The following FHAD1 variants were observed in gnomAD, a reference collection of about 807,000 sequenced individuals.
FHAD1 encodes forkhead associated phosphopeptide binding domain 1.
FHAD1 carries 146 observed loss-of-function variants against 191.3 expected under a neutral mutation model. That is an observed-to-expected ratio of 0.76 (90% confidence interval 0.67 to 0.88). The LOEUF is 0.88. Ranked by LOEUF, FHAD1 falls within the 40% of genes least tolerant of loss-of-function variation. The pLI is 0.00. For synonymous variants in FHAD1, 616 were observed against 672.3 expected (o/e 0.92, Z 1.29); for missense variants, 1,635 against 1,785.8 (o/e 0.92, Z 1.52).
chr1:15,335,238 G>A (rs543846788), intron 14 of FHAD1: 7 of 152,298 alleles, frequency 4.6e-5, no homozygotes, highest in Admixed American at 2.6e-4. Context: ...ATGTTTAGGC[G>A]GCACCTTGAA....
intron 33 of FHAD1, among the ~76,000 whole-genome samples, chr1:15,394,456 T>C (rs1022797159): frequency 2.6e-5 from 4 of 152,178 alleles, no homozygotes; most frequent in African/African-American, 9.7e-5. Flanking sequence ...GTTTTCTTTT[T>C]CCCTGCGCAT....
intron 7 of FHAD1, among the ~76,000 whole-genome samples, chr1:15,309,542 G>A (rs1671595194): frequency 6.6e-6 from 1 of 152,218 alleles, no homozygotes; most frequent in Non-Finnish European, 1.5e-5. Context: ...GGGGTGAAGT[G>A]AAGGAGAATA....
intron 33 of FHAD1, among the ~76,000 whole-genome samples, chr1:15,396,090 A>C (rs1705865489): frequency 6.6e-6 from 1 of 152,216 alleles, no homozygotes; most frequent in Non-Finnish European, 1.5e-5. Flanking sequence ...AGAGCAGATC[A>C]CTTGAGCCCA....
At chr1:15,386,793 C>T (rs375520441) in intron 31 of FHAD1, among the ~76,000 whole-genome samples, 5 of 152,244 alleles carry the variant, frequency 3.3e-5, no homozygotes, top group African/African-American at 1.2e-4. Context: ...AAACCCTTAG[C>T]GAACACAACC....
At chr1:15,380,842 C>A in intron 29 of FHAD1, 46 bp downstream of exon 29, 1 of 1,427,218 alleles carries the variant, frequency 7.0e-7, no homozygotes, top group Non-Finnish European at 9.6e-7. Flanking sequence ...AAGCCTGGGG[C>A]CCCTGCAGTC....
intron 22 of FHAD1, among the ~76,000 whole-genome samples, chr1:15,361,896 C>G (rs570124337): frequency 6.6e-6 from 1 of 151,442 alleles, no homozygotes; most frequent in Non-Finnish European, 1.5e-5. Context: ...TCCAGCTACT[C>G]GGGAGGCTGA....
intron 28 of FHAD1, among the ~76,000 whole-genome samples, chr1:15,379,681 G>A (rs553263344): frequency 1.2e-4 from 18 of 152,334 alleles, no homozygotes; most frequent in Middle Eastern, 3.4e-3. Flanking sequence ...AGAGGTCCAT[G>A]CGGCTTCCGC....
intron 10 of FHAD1, among the ~76,000 whole-genome samples, chr1:15,321,231 C>T (rs1308484856): frequency 5.9e-5 from 9 of 152,186 alleles, no homozygotes; most frequent in Non-Finnish European, 8.8e-5. Flanking sequence ...AATGCCTGGG[C>T]GAGTTGACAG....
At position 15,374,623 on chromosome 1, in the gene FHAD1, G is replaced by A. The variant is rs551415115; in HGVS notation, c.3569G>A (p.Arg1190His). The A allele has an allele frequency of 9.0e-5, 140 of 1,551,166 alleles. No individual in the cohort carries two copies. The highest frequency in any genetic ancestry group is 1.1e-4 in the Non-Finnish European group (121 of 1,146,934). ...CGAATTAAAGAACTCGAGAAGGCGC[G>A]CTCACCAGGTAAGTCTCCTCCTTCC... ...RARIKELEKA[R>H]SPDHKDHQNE... The change falls in exon 27 of 34, where the codon CGC (arginine) becomes CAC (histidine). Residue 1190 changes from arginine to histidine, a missense_variant. Arg to His is a conservative substitution (Grantham distance 29). Coordinates refer to ENST00000688493, the MANE Select transcript of FHAD1 (RefSeq NM_001391957.1).
Position 15,382,514 on chromosome 1 carries a change from T to G in FHAD1, c.4188+321T>G, listed in dbSNP as rs893087470. On this transcript the variant is annotated intron_variant, in intron 31 of 33. Transcript: ENST00000688493. ...ACATAAGCTCTCAGAGAGTGGAGAT[T>G]TGGATTCACTATTCTGAGTGCCTGG... Among the ~76,000 whole-genome samples the G allele has an allele frequency of 2.0e-5, 3 of 152,140 alleles. No homozygotes were observed. In the East Asian group the frequency reaches 5.8e-4, roughly 29 times the overall value.
intron 20 of FHAD1, among the ~76,000 whole-genome samples, chr1:15,356,161 C>G (rs550423084): frequency 6.6e-6 from 1 of 152,194 alleles, no homozygotes; most frequent in Admixed American, 6.5e-5. Flanking sequence ...ATTTACTATA[C>G]GATGTGTCAA....
chr1:15,369,461 A>G lies in FHAD1; in HGVS notation c.3406A>G (p.Ile1136Val). 1 of 1,551,736 alleles carries G rather than the reference A, an allele frequency of 6.4e-7. No homozygotes were observed. ...KTQTCDTSVQIEPVHTEAFSS... is the reference protein window; with the variant it reads ...KTQTCDTSVQVEPVHTEAFSS... ...CCAGACGTGTGACACCTCTGTGCAG[A>G]TAGAACCCGTCCACACTGAGGCCTT... Residue 1136 changes from isoleucine (I) to valine (V), a missense_variant, in exon 26 of 34, where the codon ATA becomes GTA. Coordinates refer to ENST00000688493, the MANE Select transcript of FHAD1 (RefSeq NM_001391957.1).
chr1:15,319,141 T>A (rs1453670594), intron 10 of FHAD1, among the ~76,000 whole-genome samples: 1 of 152,188 alleles, frequency 6.6e-6, no homozygotes, highest in African/African-American at 2.4e-5. Context: ...CAACTGAGAA[T>A]ATTTTAAGAA....
At chr1:15,266,745 A>G (rs1653695285) in intron 2 of FHAD1, among the ~76,000 whole-genome samples, 1 of 152,128 alleles carries the variant, frequency 6.6e-6, no homozygotes, top group African/African-American at 2.4e-5. Context: ...TACCTGTTCA[A>G]CACAGCCCCC....
intron 32 of FHAD1, among the ~76,000 whole-genome samples, chr1:15,390,201 C>T (rs926568508): frequency 1.3e-5 from 2 of 151,882 alleles, no homozygotes; most frequent in Non-Finnish European, 2.9e-5. Context: ...CAAAAATTAG[C>T]CGGGTGTGGT....
rs2101178539 is a variant in FHAD1 at position 15,270,258 on chromosome 1, G to T, written c.94-2065G>T. Among the ~76,000 whole-genome samples the T allele has an allele frequency of 1.3e-5, 2 of 152,230 alleles. 1 individual carries two copies. Among genetic ancestry groups the T allele is most frequent in the South Asian group, 4.1e-4 (2 of 4,822 alleles). ...TTTTTCTTGTTCTGAAACTGCCTTG[G>T]CCGCAGTTAGTATAGCTACTTCAGC... On this transcript the variant is annotated intron_variant, in intron 2 of 33. Coordinates refer to ENST00000688493, the MANE Select transcript of FHAD1 (RefSeq NM_001391957.1).
At chr1:15,396,517 TAAC>T (rs1706029653) in intron 33 of FHAD1, among the ~76,000 whole-genome samples, 1 of 152,098 alleles carries the variant, frequency 6.6e-6, no homozygotes, top group Non-Finnish European at 1.5e-5. Flanking sequence ...TACAAAAAAA[TAAC>T]AAAACCAGCC....
chr1:15,301,459 G>C lies in FHAD1; in HGVS notation c.915+18G>C, dbSNP rs1668732529. On this transcript the variant is annotated intron_variant, in intron 6 of 33. Transcript: ENST00000688493. ...AAAGCCAGGTAGGCAGAGCCTGAGA[G>C]GTACAGCACAGCTCTCAGGCCAAGG... is the stretch of plus-strand genomic sequence containing the variant. The C allele has an allele frequency of 2.6e-6, 4 of 1,549,816 alleles. No individual in the cohort carries two copies. The East Asian group carries it at 9.8e-5, about 38-fold the overall frequency.
chr1:15,291,002 CTG>C (rs1434184277), intron 4 of FHAD1, among the ~76,000 whole-genome samples: 5 of 151,964 alleles, frequency 3.3e-5, no homozygotes, highest in Non-Finnish European at 7.4e-5. Context: ...ACATGAGCCA[CTG>C]CGCCCAGCCT....
Sources: gnomAD v4.1 joint callset for allele counts (sites outside exome capture counted in the v4.1 genomes callset) on GRCh38, gnomAD v4.1.1 for gene constraint, MANE v1.5 for transcripts, NCBI Gene and HGNC (gene_info 2026-07-23, HGNC 2026-07-21) for gene names.